Variants in SEM1 observed in about 807,000 individuals in gnomAD.
SEM1 encodes the protein SEM1 26S proteasome subunit.
SEM1 carries 3 observed loss-of-function variants against 12.7 expected under a neutral mutation model. The observed-to-expected ratio is 0.24, with a 90% confidence interval of 0.11 to 0.61. SEM1 has a LOEUF of 0.61. Ranked by LOEUF, SEM1 falls within the 20% of genes least tolerant of loss-of-function variation. SEM1 has a pLI of 0.88. For synonymous variants in SEM1, 30 were observed against 27.8 expected (o/e 1.08, Z -0.25); for missense variants, 59 against 81.3 (o/e 0.73, Z 1.06).
chr7:96,608,441 C>T (rs958281074), intron 2 of SEM1, among the ~76,000 whole-genome samples: 3 of 152,132 alleles, frequency 2.0e-5, no homozygotes, highest in African/African-American at 7.2e-5. Flanking sequence ...AATTTATATA[C>T]CATAATTCAC....
intron 2 of SEM1, among the ~76,000 whole-genome samples, chr7:96,635,344 T>G (rs977195663): frequency 6.6e-6 from 1 of 152,066 alleles, no homozygotes; most frequent in African/African-American, 2.4e-5. Flanking sequence ...AGAAATCTGG[T>G]GTCCTGGCAA....
chr7:96,535,906 T>C (rs1804772682), intron 2 of SEM1, among the ~76,000 whole-genome samples: 1 of 151,988 alleles, frequency 6.6e-6, no homozygotes. Context: ...TTGTGAATAG[T>C]GCTGCAATGA....
chr7:96,701,598 C>A (rs987360023), intron 1 of SEM1, among the ~76,000 whole-genome samples: 1 of 152,080 alleles, frequency 6.6e-6, no homozygotes, highest in African/African-American at 2.4e-5. Flanking sequence ...TAATGTAATT[C>A]TTTCATGACT....
chr7:96,623,434 A>G (rs939451756), intron 2 of SEM1, among the ~76,000 whole-genome samples: 7 of 147,818 alleles, frequency 4.7e-5, no homozygotes, highest in African/African-American at 1.7e-4. Flanking sequence ...TTCTCTCTCT[A>G]TATATTTAAA....
intron 2 of SEM1, among the ~76,000 whole-genome samples, chr7:96,691,370 A>C (rs1252041148): frequency 2.0e-5 from 3 of 152,142 alleles, no homozygotes; most frequent in African/African-American, 4.8e-5. Context: ...AAACGTTATA[A>C]TAACTCTAGC....
intron 2 of SEM1, among the ~76,000 whole-genome samples, chr7:96,485,536 CTTTTTTTT>C (rs61088450): frequency 1.3e-5 from 1 of 76,702 alleles, no homozygotes; most frequent in African/African-American, 5.3e-5. Context: ...TCTCTACATT[CTTTTTTTT>C]TTTTTTTTTT....
intron 2 of SEM1, among the ~76,000 whole-genome samples, chr7:96,659,913 C>CAAAAAAAAAAAAAAAAAAAAAAAAAAGA (rs71529826): frequency 1.5e-5 from 1 of 66,724 alleles, no homozygotes; most frequent in East Asian, 4.8e-4. Flanking sequence ...AGTAAGATGG[C>CAAAAAAAAAAAAAAAAAAAAAAAAAAGA]AAAAAAAAAA....
In SEM1 at chr7:96,615,239, A is replaced by ATTTTTTTTTTTTTTTTTTTTTTTTTTTTT. The variant is rs1421596853; in HGVS notation, c.170+79558_170+79559insAAAAAAAAAAAAAAAAAAAAAAAAAAAAA. 8.2e-5 allele frequency among the ~76,000 whole-genome samples: 8 copies of ATTTTTTTTTTTTTTTTTTTTTTTTTTTTT among 98,142 alleles called. 4 individuals are homozygous for ATTTTTTTTTTTTTTTTTTTTTTTTTTTTT. The highest frequency in any genetic ancestry group is 7.7e-5 in the Non-Finnish European group (4 of 51,924). 64.4% of individuals were successfully genotyped at this position (98,142 alleles called of 152,430 possible). On this transcript the variant is annotated intron_variant and NMD_transcript_variant, in intron 2 of 3. Transcript: ENST00000466986. The stretch of plus-strand genomic sequence containing the variant: ...GGACTGTTGGGTTATTTTTTGAGTC[A>ATTTTTTTTTTTTTTTTTTTTTTTTTTTTT]TCTTTTTTTTTTTTTTTTTTTTTTT...
chr7:96,531,440 A>C (rs1013438083), intron 2 of SEM1, among the ~76,000 whole-genome samples: 1 of 150,316 alleles, frequency 6.7e-6, no homozygotes, highest in African/African-American at 2.5e-5. Context: ...AAAAAAAAAC[A>C]AACAAAAAGA....
chr7:96,540,104 C>T, intron 2 of SEM1, among the ~76,000 whole-genome samples: 1 of 151,182 alleles, frequency 6.6e-6, no homozygotes, highest in African/African-American at 2.4e-5. Context: ...CATTGTGAAA[C>T]TGATAATACA....
chr7:96,545,973 C>A (rs1468365589), intron 2 of SEM1, among the ~76,000 whole-genome samples: 2 of 152,028 alleles, frequency 1.3e-5, no homozygotes, highest in Non-Finnish European at 2.9e-5. Context: ...AAGAATGAGA[C>A]CTAAGAACCT....
At chr7:96,673,726 G>A (rs1296107736) in exon 3 of SEM1, 2 of 764,490 alleles carry the variant, frequency 2.6e-6, no homozygotes, top group South Asian at 1.3e-5. Context: ...TTACATTTAG[G>A]TGGGGCCATG....
intron 2 of SEM1, among the ~76,000 whole-genome samples, chr7:96,544,364 C>G (rs1020568015): frequency 1.3e-5 from 2 of 151,836 alleles, no homozygotes; most frequent in Non-Finnish European, 2.9e-5. Flanking sequence ...TAATATCTAC[C>G]CTGCTTTTTT....
At position 96,605,691 on chromosome 7, in the gene SEM1, G is replaced by C. The variant is rs192815296; in HGVS notation, c.170+89107C>G. ...GGGATTTTTTTTTTCTCTTGAAATA[G>C]AGTTCCTACTGATACTTGGGGTTTC... On this transcript the variant is annotated intron_variant and NMD_transcript_variant, in intron 2 of 3. Transcript: ENST00000466986. Among the ~76,000 whole-genome samples the C allele has an allele frequency of 4.5e-3, 678 of 151,876 alleles. 14 individuals are homozygous for C. The highest frequency in any genetic ancestry group is 1.5e-3 in the Non-Finnish European group (105 of 67,944).
At chr7:96,546,017 A>G (rs1368665196) in intron 2 of SEM1, among the ~76,000 whole-genome samples, 1 of 152,092 alleles carries the variant, frequency 6.6e-6, no homozygotes, top group Non-Finnish European at 1.5e-5. Flanking sequence ...CATCCTTTGA[A>G]TCAGCCTGTA....
intron 2 of SEM1, among the ~76,000 whole-genome samples, chr7:96,571,733 A>G (rs1806036515): frequency 6.6e-6 from 1 of 152,042 alleles, no homozygotes. Context: ...AATGTTCATC[A>G]GGTATATTGG....
intron 2 of SEM1, among the ~76,000 whole-genome samples, chr7:96,513,846 T>G (rs777908688): frequency 6.6e-6 from 1 of 151,996 alleles, no homozygotes; most frequent in Non-Finnish European, 1.5e-5. Flanking sequence ...AAAAAATTCG[T>G]TATAAAAATG....
At chr7:96,606,251 A>C (rs1232408594) in intron 2 of SEM1, among the ~76,000 whole-genome samples, 2 of 152,236 alleles carry the variant, frequency 1.3e-5, no homozygotes, top group Non-Finnish European at 2.9e-5. Context: ...GTAATTGATA[A>C]GGGAGGATCA....
intron 2 of SEM1, among the ~76,000 whole-genome samples, chr7:96,599,751 T>TTATA (rs959520693): frequency 1.9e-4 from 29 of 152,232 alleles, no homozygotes; most frequent in South Asian, 1.5e-3. Context: ...TGGCCTGTCT[T>TTATA]TATGTAGTCA....
Sources: gnomAD v4.1 joint callset for allele counts (sites outside exome capture counted in the v4.1 genomes callset) on GRCh38, gnomAD v4.1.1 for gene constraint, MANE v1.5 for transcripts, NCBI Gene and HGNC (gene_info 2026-07-23, HGNC 2026-07-21) for gene names.